The following SLC7A7 variants were observed in gnomAD, a reference collection of about 807,000 sequenced individuals.
SLC7A7 encodes Y+L amino acid transporter 1.
Under a neutral mutation model 47.9 loss-of-function variants are expected in SLC7A7, and 39 were observed. That is an observed-to-expected ratio of 0.81 (90% CI 0.63 to 1.06). SLC7A7 has a LOEUF of 1.06. Among genes scored for constraint, SLC7A7 ranks in the 50% least tolerant of loss-of-function variants. The pLI is 0.00. For synonymous variants in SLC7A7, 234 were observed against 242.8 expected (o/e 0.96, Z 0.34); for missense variants, 588 against 632.0 (o/e 0.93, Z 0.75).
chr14:22,779,947 C>G lies in SLC7A7; in HGVS notation c.604G>C (p.Gly202Arg). ...TTACCCTGGCCAAGTCTAACAATGC[C>G]TGCAACGATGACCGCGATCAGTGCC... is the stretch of plus-strand genomic sequence containing the variant. Reference protein sequence around the residue: ...VLALIAVIVAGIVRLGQGAST... With the variant: ...VLALIAVIVARIVRLGQGAST... Residue 202 changes from glycine (G) to arginine (R), a missense_variant, in exon 3 of 10, where the codon GGC becomes CGC. Physicochemically the swap from Gly to Arg is moderately radical, Grantham distance 125. Transcript: ENST00000674313. 6.2e-7 allele frequency: 1 copy of G among 1,614,138 alleles called. No homozygotes were observed. Among genetic ancestry groups the G allele is most frequent in the Non-Finnish European group, 8.5e-7 (1 of 1,180,026 alleles).
At chr14:22,807,857 CA>C (rs2039239259) in intron 2 of SLC7A7, among the ~76,000 whole-genome samples, 1 of 152,100 alleles carries the variant, frequency 6.6e-6, no homozygotes, top group Admixed American at 6.6e-5. Flanking sequence ...TCCTCCCCTA[CA>C]AAAATAAAGT....
In SLC7A7 at chr14:22,815,416, C is replaced by T. The variant is rs868166502; in HGVS notation, c.-139G>A. On this transcript the variant is annotated 5_prime_UTR_variant, in exon 1 of 10. Transcript: ENST00000674313. ...GATCTGTGGTCTGATGCTCCTCCTT[C>T]CCAGCCAGCAGTAAAAGGGAAGGCC... is the stretch of plus-strand genomic sequence containing the variant. 9 of 454,374 alleles carry T rather than the reference C, an allele frequency of 2.0e-5. No individual in the cohort carries two copies. The highest frequency in any genetic ancestry group is 6.8e-4 in the Middle Eastern group (1 of 1,468). 28.1% of individuals were successfully genotyped at this position (454,374 alleles called of 1,614,324 possible). A position where few individuals can be genotyped will look rare whatever the true frequency, so the allele number is the denominator to read the frequency against.
At chr14:22,793,142 C>T (rs2038956240) in intron 2 of SLC7A7, among the ~76,000 whole-genome samples, 2 of 151,846 alleles carry the variant, frequency 1.3e-5, no homozygotes, top group Admixed American at 6.6e-5. Context: ...TGGTCTCGAT[C>T]TCCTGACCTC....
At chr14:22,811,775 C>A (rs1459466904) in intron 2 of SLC7A7, among the ~76,000 whole-genome samples, 2 of 149,710 alleles carry the variant, frequency 1.3e-5, no homozygotes, top group Non-Finnish European at 1.5e-5. Context: ...TCACTTGAAC[C>A]CAGAAGATGG....
At chr14:22,814,221 C>T (rs1232491205) in intron 1 of SLC7A7, among the ~76,000 whole-genome samples, 1 of 151,704 alleles carries the variant, frequency 6.6e-6, no homozygotes, top group African/African-American at 2.4e-5. Context: ...CTGTGGCTCA[C>T]ATCTGTAAAC....
At chr14:22,802,901 A>C (rs1384136289) in intron 2 of SLC7A7, among the ~76,000 whole-genome samples, 6 of 148,932 alleles carry the variant, frequency 4.0e-5, no homozygotes, top group African/African-American at 1.5e-4. Flanking sequence ...GCACCCCCAC[A>C]CCCCATACAT....
chr14:22,790,826 C>T (rs1361283175), intron 2 of SLC7A7, among the ~76,000 whole-genome samples: 2 of 151,918 alleles, frequency 1.3e-5, no homozygotes, highest in East Asian at 1.9e-4. Context: ...GGTGAAACCC[C>T]GTCTCTACTA....
chr14:22,809,930 T>G (rs1396628746), intron 2 of SLC7A7, among the ~76,000 whole-genome samples: 4 of 150,420 alleles, frequency 2.7e-5, no homozygotes, highest in African/African-American at 9.8e-5. Context: ...TCCCAGCTAC[T>G]TGGGAGGCTG....
intron 2 of SLC7A7, among the ~76,000 whole-genome samples, chr14:22,798,444 G>A (rs2039055276): frequency 6.6e-6 from 1 of 152,166 alleles, no homozygotes; most frequent in African/African-American, 2.4e-5. Flanking sequence ...GCCTTCCAAA[G>A]GGATAAGGGT....
intron 2 of SLC7A7, among the ~76,000 whole-genome samples, chr14:22,787,256 T>C (rs1481433393): frequency 6.6e-6 from 1 of 151,026 alleles, no homozygotes; most frequent in African/African-American, 2.4e-5. Flanking sequence ...GCCAACATAG[T>C]GAAACCCCGT....
At chr14:22,775,764 G>T in intron 6 of SLC7A7, 69 bp downstream of exon 6, 1 of 1,153,936 alleles carries the variant, frequency 8.7e-7, no homozygotes, top group Non-Finnish European at 1.3e-6. Context: ...TCAAAGGCTG[G>T]GTCCTGTAAG....
In SLC7A7 at chr14:22,779,615, C is replaced by T. The variant is rs537913667; in HGVS notation, c.625+311G>A. The stretch of plus-strand genomic sequence containing the variant: ...GATTACAGGCGCCTGCCACCATGCC[C>T]GGCTAATTTTTGTATTTTTAGTCGA... On this transcript the variant is annotated intron_variant, in intron 3 of 9. Transcript: ENST00000674313. 3.9e-5 allele frequency among the ~76,000 whole-genome samples: 6 copies of T among 152,022 alleles called. No homozygotes were observed. In the South Asian group the frequency reaches 1.0e-3, roughly 26 times the overall value.
chr14:22,780,637 T>C (rs2038702578), intron 2 of SLC7A7, among the ~76,000 whole-genome samples: 1 of 152,180 alleles, frequency 6.6e-6, no homozygotes, highest in Non-Finnish European at 1.5e-5. Flanking sequence ...GTGGTTCCTG[T>C]AGAATGGGGA....
At chr14:22,803,935 G>GA (rs1190123744) in intron 2 of SLC7A7, among the ~76,000 whole-genome samples, 9 of 152,126 alleles carry the variant, frequency 5.9e-5, no homozygotes, top group Admixed American at 5.9e-4. Flanking sequence ...AACATGTTCA[G>GA]AAAAAATTTC....
chr14:22,812,794 T>TATA (rs1372388510), intron 2 of SLC7A7, 106 bp downstream of exon 2: 14 of 834,384 alleles, frequency 1.7e-5, no homozygotes, highest in Non-Finnish European at 1.9e-5. Context: ...TATATATATG[T>TATA]TGTCAGAGAC....
At position 22,806,409 on chromosome 14, in the gene SLC7A7, T is replaced by G. The variant is rs148084038; in HGVS notation, c.499+6491A>C. The stretch of plus-strand genomic sequence containing the variant: ...ACAGGGTTTCACCATATCGACCTCT[T>G]TTTTTAGGTAAGCGTGACTCAACTG... On this transcript the variant is annotated intron_variant, in intron 2 of 9. Transcript: ENST00000674313. 2.7e-4 allele frequency among the ~76,000 whole-genome samples: 41 copies of G among 151,652 alleles called. No homozygotes were observed. The East Asian group carries it at 7.9e-3, about 29-fold the overall frequency.
chr14:22,802,419 C>T (rs1452578413), intron 2 of SLC7A7, among the ~76,000 whole-genome samples: 1 of 90,338 alleles, frequency 1.1e-5, no homozygotes, highest in Non-Finnish European at 2.7e-5. Context: ...ACAACAACAA[C>T]AACCAAACAA....
Position 22,775,697 on chromosome 14 carries a change from G to T in SLC7A7, c.998+136C>A, listed in dbSNP as rs187221631. 8.9e-5 allele frequency: 81 copies of T among 913,900 alleles called. No homozygotes were observed. The African/African-American group carries it at 1.3e-3, about 14-fold the overall frequency. 56.6% of individuals were successfully genotyped at this position (913,900 alleles called of 1,614,324 possible). A position where few individuals can be genotyped will look rare whatever the true frequency, so the allele number is the denominator to read the frequency against. ...GTATTAAGATTAATGACAACTGCAG[G>T]CTTCTGCTAGAAACAAGAAGAAAGA... On this transcript the variant is annotated intron_variant, in intron 6 of 9. Coordinates refer to ENST00000674313, the MANE Select transcript of SLC7A7 (RefSeq NM_003982.4).
At chr14:22,780,437 C>T (rs1220498545) in intron 2 of SLC7A7, 3 of 272,262 alleles carry the variant, frequency 1.1e-5, no homozygotes, top group African/African-American at 4.4e-5. Flanking sequence ...TCCCCATGGG[C>T]TCCAGGACAC....
Sources: allele counts gnomAD v4.1 joint callset (sites outside exome capture counted in the v4.1 genomes callset), GRCh38; gene constraint gnomAD v4.1.1; transcripts MANE v1.5; gene names NCBI Gene and HGNC (gene_info 2026-07-23, HGNC 2026-07-21).